Variants in DPH6 observed in about 807,000 individuals in gnomAD.
DPH6 encodes diphthamine biosynthesis 6.
In DPH6, 33 loss-of-function variants were observed where a neutral mutation model predicts 38.2. That is an observed-to-expected ratio of 0.86 (90% CI 0.65 to 1.15). The LOEUF is 1.15. Among genes scored for constraint, DPH6 ranks in the 50% most tolerant of loss-of-function variants. The pLI, the probability that DPH6 is intolerant of heterozygous loss-of-function variation, is 0.00. For missense variants in DPH6, 325 were observed against 320.0 expected (o/e 1.02, Z -0.12); for synonymous variants, 108 against 103.0 (o/e 1.05, Z -0.30).
intron 3 of DPH6, among the ~76,000 whole-genome samples, chr15:35,223,450 G>A (rs1261577532): frequency 1.3e-5 from 2 of 152,136 alleles, no homozygotes; most frequent in South Asian, 2.1e-4. Flanking sequence ...ACTTTGGGAG[G>A]CCAAGGCTGG....
At chr15:35,436,823 C>G (rs930265927) in intron 5 of DPH6, among the ~76,000 whole-genome samples, 1 of 150,920 alleles carries the variant, frequency 6.6e-6, no homozygotes, top group South Asian at 2.1e-4. Flanking sequence ...TTTTCTCCCC[C>G]TTTTAGAGGA....
chr15:35,351,064 C>T (rs1375980948), intron 3 of DPH6, among the ~76,000 whole-genome samples: 1 of 152,150 alleles, frequency 6.6e-6, no homozygotes, highest in Non-Finnish European at 1.5e-5. Flanking sequence ...ATTATCCCTG[C>T]AATTCTTTCA....
At chr15:35,320,461 A>G (rs2140843350) in intron 3 of DPH6, among the ~76,000 whole-genome samples, 1 of 152,266 alleles carries the variant, frequency 6.6e-6, no homozygotes, top group East Asian at 1.9e-4. Context: ...TCCTTTGGGA[A>G]TCTCCCACAT....
At chr15:35,387,122 T>C (rs898759844) in intron 6 of DPH6, among the ~76,000 whole-genome samples, 2 of 152,220 alleles carry the variant, frequency 1.3e-5, no homozygotes, top group African/African-American at 4.8e-5. Context: ...TGCTTGTTTT[T>C]GTCAGGTTTG....
At chr15:35,330,720 C>T (rs1248806697), downstream of DPH6, 1 of 152,138 alleles carries the variant, frequency 6.6e-6, no homozygotes, top group Admixed American at 6.6e-5. Context: ...ACTTCAAATC[C>T]TCAGGTTTTA....
chr15:35,209,568 A>G, the DPH6 span, among the ~76,000 whole-genome samples: 69 of 152,330 alleles, frequency 4.5e-4, no homozygotes, highest in African/African-American at 1.6e-3. Flanking sequence ...TGAATAAAAT[A>G]TCAGAAAAAT....
At chr15:35,179,018 C>A in the DPH6 span, among the ~76,000 whole-genome samples, 7 of 151,724 alleles carry the variant, frequency 4.6e-5, no homozygotes, top group South Asian at 8.3e-4. Context: ...ACCAGCCTGA[C>A]CAACATGGAG....
chr15:35,224,100 G>GTTTTTT (rs142813866), intron 3 of DPH6, among the ~76,000 whole-genome samples: 26 of 88,888 alleles, frequency 2.9e-4, no homozygotes, highest in East Asian at 7.2e-4. Flanking sequence ...CATGATTTTA[G>GTTTTTT]TTTTTTTTTT....
chr15:35,229,155 C>T (rs1410666802), intron 3 of DPH6, among the ~76,000 whole-genome samples: 1 of 152,126 alleles, frequency 6.6e-6, no homozygotes, highest in Non-Finnish European at 1.5e-5. Flanking sequence ...GATTTCCCTA[C>T]CTCCTCTTTA....
At chr15:35,241,020 A>G (rs2051594233) in intron 3 of DPH6, among the ~76,000 whole-genome samples, 1 of 142,258 alleles carries the variant, frequency 7.0e-6, no homozygotes, top group Admixed American at 7.6e-5. Flanking sequence ...TTCCTCCAGA[A>G]CCTCCTCCCA....
chr15:35,252,389 G>T (rs1157282651), intron 3 of DPH6, among the ~76,000 whole-genome samples: 1 of 152,204 alleles, frequency 6.6e-6, no homozygotes, highest in Non-Finnish European at 1.5e-5. Flanking sequence ...ATTAGTTTTG[G>T]AAATCCTGGG....
At chr15:35,432,759 C>G (rs904047373) in intron 5 of DPH6, among the ~76,000 whole-genome samples, 3 of 151,874 alleles carry the variant, frequency 2.0e-5, no homozygotes, top group African/African-American at 7.3e-5. Flanking sequence ...ACATATTCCA[C>G]CTGAATGAAT....
At chr15:35,419,715 A>G (rs2053481128) in intron 5 of DPH6, among the ~76,000 whole-genome samples, 1 of 152,190 alleles carries the variant, frequency 6.6e-6, no homozygotes, top group Admixed American at 6.5e-5. Flanking sequence ...GTTATAATAT[A>G]GTGATTAAGA....
At chr15:35,262,248 T>G (rs770545996) in intron 3 of DPH6, among the ~76,000 whole-genome samples, 1 of 152,204 alleles carries the variant, frequency 6.6e-6, no homozygotes, top group Admixed American at 6.5e-5. Flanking sequence ...ATTTAAAAAG[T>G]GGTATCACAA....
At chr15:35,493,252 A>G (rs1294243310) in intron 3 of DPH6, among the ~76,000 whole-genome samples, 2 of 152,174 alleles carry the variant, frequency 1.3e-5, no homozygotes, top group Non-Finnish European at 2.9e-5. Flanking sequence ...AAATGAGTGT[A>G]TTGTATGAAG....
chr15:35,297,139 C>T (rs916664925), intron 3 of DPH6, among the ~76,000 whole-genome samples: 1 of 152,128 alleles, frequency 6.6e-6, no homozygotes, highest in Non-Finnish European at 1.5e-5. Context: ...TTCACTGTCC[C>T]GTGTCTTCAG....
intron 5 of DPH6, among the ~76,000 whole-genome samples, chr15:35,424,263 C>T (rs1426502230): frequency 6.6e-6 from 1 of 151,488 alleles, no homozygotes; most frequent in African/African-American, 2.4e-5. Flanking sequence ...TTTCAGTGTG[C>T]AAGACTTTCA....
chr15:35,407,034 T>A (rs913479395), intron 6 of DPH6, among the ~76,000 whole-genome samples: 1 of 151,800 alleles, frequency 6.6e-6, no homozygotes, highest in African/African-American at 2.4e-5. Context: ...ATTTCAGGAG[T>A]GAGTAGCCTC....
intron 3 of DPH6, among the ~76,000 whole-genome samples, chr15:35,518,465 G>A (rs1307788713): frequency 1.3e-5 from 2 of 151,912 alleles, no homozygotes; most frequent in African/African-American, 2.4e-5. Context: ...TACACTAAAG[G>A]GGAAAAATTT....
Sources: gnomAD v4.1 joint callset for allele counts (sites outside exome capture counted in the v4.1 genomes callset) on GRCh38, gnomAD v4.1.1 for gene constraint, MANE v1.5 for transcripts, NCBI Gene and HGNC (gene_info 2026-07-23, HGNC 2026-07-21) for gene names.